The following GRIPAP1 variants were observed in gnomAD, a reference collection of about 807,000 sequenced individuals.
GRIPAP1 encodes GRIP1 associated protein 1.
In GRIPAP1, 14 loss-of-function variants were observed where a neutral mutation model predicts 84.1. That is an observed-to-expected ratio of 0.17 (90% CI 0.11 to 0.26). The LOEUF (loss-of-function observed/expected upper bound fraction) is 0.26, where lower values mean the gene tolerates loss of function less well. GRIPAP1 is among the 10% of genes least tolerant of loss of function. The pLI, the probability that GRIPAP1 is intolerant of heterozygous loss-of-function variation, is 1.00. For synonymous variants in GRIPAP1, 261 were observed against 256.8 expected (o/e 1.02, Z -0.15); for missense variants, 518 against 674.2 (o/e 0.77, Z 2.57).
At chrX:48,984,475 T>G (rs1322214491) in intron 14 of GRIPAP1, among the ~76,000 whole-genome samples, 1 of 110,144 alleles carries the variant, frequency 9.1e-6, no homozygotes, top group East Asian at 2.8e-4. Flanking sequence ...GGATATTGCT[T>G]GGGAGGCTGA....
At chrX:48,995,764 T>G (rs2064544231) in intron 5 of GRIPAP1, among the ~76,000 whole-genome samples, 1 of 109,540 alleles carries the variant, frequency 9.1e-6, no homozygotes, top group Non-Finnish European at 1.9e-5. Context: ...CCCGGCTAAT[T>G]TTTTGTATTT....
At chrX:49,000,179 T>A (rs782153025) in intron 1 of GRIPAP1, among the ~76,000 whole-genome samples, 1 of 107,203 alleles carries the variant, frequency 9.3e-6, no homozygotes, top group Admixed American at 1.0e-4. Context: ...GCCTGCCCAA[T>A]ATGGTGAAAC....
At position 48,983,056 on chromosome X, in the gene GRIPAP1, C is replaced by T; in HGVS notation, c.1522G>A (p.Val508Met). ...TRELETLQQT[V>M]EELQAQVHSM... ...TGTACCTGAGCTTGAAGTTCTTCCA[C>T]TGTCTGCTGGAGAGTCTCCAGCTCC... The change falls in exon 17 of 26, where the codon GTG (valine) becomes ATG (methionine). Residue 508 changes from valine to methionine, a missense_variant. Physicochemically the swap from Val to Met is conservative, Grantham distance 21 (BLOSUM62 1). Transcript: ENST00000376423. 1 of 1,208,607 alleles carries T rather than the reference C, an allele frequency of 8.3e-7. No homozygotes were observed. Among genetic ancestry groups the T allele is most frequent in the Non-Finnish European group, 1.1e-6 (1 of 892,144 alleles).
In GRIPAP1 at chrX:48,981,478, G is replaced by A. The variant is rs782403495; in HGVS notation, c.1774-6C>T. On this transcript the variant is annotated splice_polypyrimidine_tract_variant and splice_region_variant and intron_variant, in intron 19 of 25. Transcript: ENST00000376423. ...TCCACTGTGTCCTTCACCTCCTGTG[G>A]GAGAAAGCAGGCATGGCTGGTAGAT... is the stretch of plus-strand genomic sequence containing the variant. 2 of 1,208,337 alleles carry A rather than the reference G, an allele frequency of 1.7e-6. No individual in the cohort carries two copies. The highest frequency in any genetic ancestry group is 2.2e-6 in the Non-Finnish European group (2 of 893,260).
Position 48,981,623 on chromosome X carries a change from G to T in GRIPAP1, c.1746C>A (p.His582Gln). The T allele has an allele frequency of 1.7e-6, 2 of 1,207,191 alleles. No individual in the cohort carries two copies. Among genetic ancestry groups the T allele is most frequent in the Non-Finnish European group, 1.1e-6 (1 of 891,355 alleles). ...LEQAQEERDCHLKTISSLKQE... is the reference protein window; with the variant it reads ...LEQAQEERDCQLKTISSLKQE... ...GCTTCAGGCTGCTAATGGTCTTCAG[G>T]TGGCAGTCCCGCTCCTCCTGGGCCT... Residue 582 changes from histidine to glutamine, a missense_variant, in exon 19 of 26, where the codon CAC (histidine) becomes CAA (glutamine). This residue lies in a region of GRIPAP1 where 372 missense variants were observed against 458.1 expected (regional missense o/e 0.81). Transcript: ENST00000376423.
chrX:48,976,273 T>A lies in GRIPAP1; in HGVS notation c.2152A>T (p.Thr718Ser). The A allele has an allele frequency of 8.5e-7, 1 of 1,174,469 alleles. No individual in the cohort carries two copies. The highest frequency in any genetic ancestry group is 1.1e-6 in the Non-Finnish European group (1 of 876,717). ...TCCAGCATCCATTTCTCCTGCTGTG[T>A]CTCTGCCAGCCGCTGAAAGAGCTCA... ...VAELFQRLAE[T>S]QQEKWMLEEK... The change falls in exon 23 of 26, where the codon ACA (threonine) becomes TCA (serine). Residue 718 changes from threonine to serine, a missense_variant. Thr to Ser is a moderately conservative substitution (Grantham distance 58). Around this residue, in one of 5 missense-constraint regions of GRIPAP1, gnomAD observed 66 missense variants for 65.2 expected, o/e 1.01. Transcript: ENST00000376423.
intron 3 of GRIPAP1, chrX:48,998,928 G>A: frequency 6.9e-6 from 2 of 289,666 alleles, no homozygotes; most frequent in Non-Finnish European, 1.2e-5. Flanking sequence ...TGTGAGTAGA[G>A]GATGGGAGGC....
chrX:49,001,892 G>C (rs1461640223), intron 1 of GRIPAP1, among the ~76,000 whole-genome samples: 1 of 110,622 alleles, frequency 9.0e-6, no homozygotes, highest in African/African-American at 3.3e-5. Context: ...ATCACCCGCC[G>C]ACGGTGTCCC....
At chrX:48,989,055 G>A (rs1248603142) in intron 11 of GRIPAP1, among the ~76,000 whole-genome samples, 1 of 111,504 alleles carries the variant, frequency 9.0e-6, no homozygotes, top group Non-Finnish European at 1.9e-5. Flanking sequence ...CAGCCCTCAA[G>A]GATCTCAGGA....
chrX:48,998,654 G>A (rs782091348), intron 3 of GRIPAP1, among the ~76,000 whole-genome samples: 4 of 112,579 alleles, frequency 3.6e-5, no homozygotes, highest in Non-Finnish European at 5.6e-5. Context: ...CCAAAGAGAA[G>A]TGCAGCTTCC....
intron 15 of GRIPAP1, among the ~76,000 whole-genome samples, 153 bp downstream of exon 15, chrX:48,983,622 T>C (rs1461760868): frequency 9.0e-6 from 1 of 111,321 alleles, no homozygotes; most frequent in South Asian, 3.8e-4. Context: ...CCCACTCTCA[T>C]GGATTTGGCC....
intron 5 of GRIPAP1, among the ~76,000 whole-genome samples, chrX:48,996,913 T>C (rs1365981651): frequency 1.2e-4 from 13 of 111,342 alleles, no homozygotes; most frequent in Non-Finnish European, 2.5e-4. Context: ...TTTTCCATCC[T>C]ATATTAAGCA....
At position 48,973,857 on chromosome X, in the gene GRIPAP1, A is replaced by G. The variant is rs1485454913; in HGVS notation, c.*336T>C. On this transcript the variant is annotated 3_prime_UTR_variant, in exon 26 of 26. Transcript: ENST00000376423. ...CCCCAATCCCAAATGCAGAGTAGCC[A>G]GGCTCCAGACATAAATTAAAAAATA... The G allele has an allele frequency of 3.1e-5, 4 of 128,036 alleles. No homozygotes were observed. The East Asian group carries it at 7.2e-4, about 23-fold the overall frequency. The allele number at this position is 128,036 out of a possible 1,213,427, so 10.6% of individuals were successfully genotyped here. A position where few individuals can be genotyped will look rare whatever the true frequency, so the allele number is the denominator to read the frequency against.
At chrX:48,974,689 G>A (rs782653014) in intron 25 of GRIPAP1, among the ~76,000 whole-genome samples, 7 of 111,998 alleles carry the variant, frequency 6.3e-5, no homozygotes, top group African/African-American at 2.3e-4. Flanking sequence ...GTGGACCCAT[G>A]GGCATGGGGG....
chrX:48,990,306 TG>T (rs1381294242), intron 8 of GRIPAP1, among the ~76,000 whole-genome samples: 4 of 111,868 alleles, frequency 3.6e-5, no homozygotes, highest in African/African-American at 1.3e-4. Flanking sequence ...TAGTGGCCAA[TG>T]GCCATGTTAT....
chrX:48,980,622 G>A (rs1557061803), intron 21 of GRIPAP1: 1 of 111,637 alleles, frequency 9.0e-6, no homozygotes. Context: ...AGTGGCTCAT[G>A]CCTATAATCC....
At chrX:48,974,812 T>G (rs1394478140) in intron 25 of GRIPAP1, among the ~76,000 whole-genome samples, 3 of 110,874 alleles carry the variant, frequency 2.7e-5, no homozygotes, top group African/African-American at 9.9e-5. Flanking sequence ...GGGCAATTGA[T>G]GAGTAGATAA....
intron 4 of GRIPAP1, 118 bp downstream of exon 4, chrX:48,998,036 T>C: frequency 3.5e-6 from 2 of 571,095 alleles, no homozygotes; most frequent in South Asian, 2.3e-5. Flanking sequence ...GGCAGTGAGG[T>C]AGTAGCAGAT....
rs782775662 is a variant in GRIPAP1, at chrX:49,002,244, C to T, written c.-15G>A. ...GCTTGCGCCATGTTCCTCCCCCCAC[C>T]CCCCCGCCAGCTTTCTGCGCAGACG... On this transcript the variant is annotated 5_prime_UTR_variant, in exon 1 of 26. Coordinates refer to ENST00000376423, the MANE Select transcript of GRIPAP1 (RefSeq NM_020137.5). 1.0e-5 allele frequency: 11 copies of T among 1,098,469 alleles called. No individual in the cohort carries two copies. The South Asian group carries it at 1.6e-4, about 16-fold the overall frequency. 90.5% of individuals were successfully genotyped at this position (1,098,469 alleles called of 1,213,427 possible). A position where few individuals can be genotyped will look rare whatever the true frequency, so the allele number is the denominator to read the frequency against.
Sources: allele counts gnomAD v4.1 joint callset (sites outside exome capture counted in the v4.1 genomes callset), GRCh38; gene constraint gnomAD v4.1.1; regional missense constraint gnomAD v4.1.1; transcripts MANE v1.5; gene names NCBI Gene and HGNC (gene_info 2026-07-23, HGNC 2026-07-21).